The following NIPAL4 variants were observed in gnomAD, a reference collection of about 807,000 sequenced individuals.
NIPAL4 encodes magnesium transporter NIPA4.
Under a neutral mutation model 31.6 loss-of-function variants are expected in NIPAL4, and 21 were observed. That is an observed-to-expected ratio of 0.67 (90% CI 0.47 to 0.96). NIPAL4 has a LOEUF of 0.96. Among genes scored for constraint, NIPAL4 ranks in the 40% least tolerant of loss-of-function variants. NIPAL4 has a pLI of 0.00. For synonymous variants in NIPAL4, 175 were observed against 211.1 expected, an observed-to-expected ratio of 0.83 and a Z score of 1.48; for missense variants, 438 against 508.0, an observed-to-expected ratio of 0.86 and a Z score of 1.32.
intron 2 of NIPAL4, 109 bp from the exon 3 acceptor site, chr5:157,466,940 G>A: frequency 1.3e-6 from 1 of 785,894 alleles, no homozygotes; most frequent in South Asian, 1.5e-5. Flanking sequence ...CCAGAACCAA[G>A]CCTCAAGGAG....
chr5:157,464,162 G>A (rs1371845401), intron 2 of NIPAL4, among the ~76,000 whole-genome samples: 1 of 152,122 alleles, frequency 6.6e-6, no homozygotes, highest in Non-Finnish European at 1.5e-5. Flanking sequence ...ATTATGAGGA[G>A]ACAGCAAGGT....
chr5:157,472,729 C>T lies in NIPAL4; in HGVS notation c.984C>T (p.Thr328=), dbSNP rs1363827613. 2 of 1,613,864 alleles carry T rather than the reference C, an allele frequency of 1.2e-6. No individual in the cohort carries two copies. Among genetic ancestry groups the T allele is most frequent in the Non-Finnish European group, 1.7e-6 (2 of 1,179,796 alleles). ...TGTCTGCTGTGGACATTGCAGGCACCCTCTCGGGCTTTGTCACCATCATCT... is the reference window on the plus strand; with the variant it reads ...TGTCTGCTGTGGACATTGCAGGCACTCTCTCGGGCTTTGTCACCATCATCT... ...YSMSAVDIAG[T]LSGFVTIILG... is the part of the protein sequence containing the mutation. The change falls in exon 6 of 6, where the codon ACC becomes ACT. Residue 328 remains threonine, a synonymous_variant. Coordinates refer to ENST00000311946, the MANE Select transcript of NIPAL4 (RefSeq NM_001099287.2).
chr5:157,474,401 G>C lies in NIPAL4; in HGVS notation c.*1441G>C, dbSNP rs1754530249. 1 of 152,292 alleles carries C rather than the reference G, an allele frequency of 6.6e-6. No individual in the cohort carries two copies. 9.4% of individuals were successfully genotyped at this position (152,292 alleles called of 1,614,324 possible). On this transcript the variant is annotated 3_prime_UTR_variant, in exon 6 of 6. Transcript: ENST00000311946. ...AGTGGGCTGGTGTATCTGGAAAGAG[G>C]GAAGACTTGATCCTCAGCCCCGAGG...
chr5:157,470,337 T>C (rs1754392388), intron 4 of NIPAL4, among the ~76,000 whole-genome samples: 1 of 152,048 alleles, frequency 6.6e-6, no homozygotes, highest in African/African-American at 2.4e-5. Flanking sequence ...CTGGAGATAA[T>C]TTGCCCAGAA....
chr5:157,467,440 G>C, intron 3 of NIPAL4: 1 of 301,946 alleles, frequency 3.3e-6, no homozygotes, highest in Admixed American at 4.0e-5. Flanking sequence ...GGAACTCCTA[G>C]GCCAACTTCC....
At position 157,463,074 on chromosome 5, in the gene NIPAL4, A is replaced by T; in HGVS notation, c.38-20A>T. 6.2e-7 allele frequency: 1 copy of T among 1,613,388 alleles called. No individual in the cohort carries two copies. Among genetic ancestry groups the T allele is most frequent in the East Asian group, 2.2e-5 (1 of 44,866 alleles). On this transcript the variant is annotated intron_variant, in intron 1 of 5. Coordinates refer to ENST00000311946, the MANE Select transcript of NIPAL4 (RefSeq NM_001099287.2). The stretch of plus-strand genomic sequence containing the variant: ...CAATTGTCCCCAGTGTGACTCTCTC[A>T]CTGTGGTCTTCCCATCCAGGTTCCC...
At position 157,460,266 on chromosome 5, in the gene NIPAL4, G is replaced by T; in HGVS notation, c.-55G>T. On this transcript the variant is annotated 5_prime_UTR_variant, in exon 1 of 6. Transcript: ENST00000311946. ...ACAAGTCGCGGCCACCTGCTCCGGA[G>T]CTGGGGAGCCCGGGCGCCGTCCGCC... 1 of 1,544,830 alleles carries T rather than the reference G, an allele frequency of 6.5e-7. No homozygotes were observed. The highest frequency in any genetic ancestry group is 8.7e-7 in the Non-Finnish European group (1 of 1,144,730).
chr5:157,470,242 T>G (rs1208031986), intron 4 of NIPAL4, among the ~76,000 whole-genome samples: 1 of 152,174 alleles, frequency 6.6e-6, no homozygotes, highest in African/African-American at 2.4e-5. Flanking sequence ...CCTGTGATTT[T>G]TTTTCCCTTC....
rs967915313 is a variant in NIPAL4, at chr5:157,474,444, C to T, written c.*1484C>T. On this transcript the variant is annotated 3_prime_UTR_variant, in exon 6 of 6. Coordinates refer to ENST00000311946, the MANE Select transcript of NIPAL4 (RefSeq NM_001099287.2). Reference sequence around the variant, plus strand: ...CCCCGAGGTTGGTGCAGGGCCTCCCCTGTGTGACTCTACCTGCACTCTGTG... The same window carrying T: ...CCCCGAGGTTGGTGCAGGGCCTCCCTTGTGTGACTCTACCTGCACTCTGTG... The T allele has an allele frequency of 2.6e-5, 4 of 152,204 alleles. No individual in the cohort carries two copies. The highest frequency in any genetic ancestry group is 4.4e-5 in the Non-Finnish European group (3 of 68,038). The allele number at this position is 152,204 out of a possible 1,614,324, so 9.4% of individuals were successfully genotyped here.
chr5:157,472,791 A>T lies in NIPAL4; in HGVS notation c.1046A>T (p.Asp349Val), dbSNP rs370339078. The change falls in exon 6 of 6, where the codon GAC (aspartate) becomes GTC (valine). Residue 349 changes from aspartate to valine, a missense_variant. Coordinates refer to ENST00000311946, the MANE Select transcript of NIPAL4 (RefSeq NM_001099287.2). ...VFMLHAFKDL[D>V]ISCASLPHMH... ...ATGCTGCATGCTTTCAAAGACCTGG[A>T]CATCAGCTGCGCCAGCTTGCCCCAC... The T allele has an allele frequency of 3.1e-6, 5 of 1,607,898 alleles. No individual in the cohort carries two copies. The highest frequency in any genetic ancestry group is 1.3e-5 in the African/African-American group (1 of 74,804).
chr5:157,467,007 TG>T, intron 2 of NIPAL4, 41 bp from the exon 3 acceptor site: 1 of 1,509,052 alleles, frequency 6.6e-7, no homozygotes, highest in Non-Finnish European at 9.2e-7. Context: ...TGAGAAAGTG[TG>T]GCCAAGTTCC....
chr5:157,472,679 A>G lies in NIPAL4; in HGVS notation c.934A>G (p.Ile312Val). 6.2e-7 allele frequency: 1 copy of G among 1,613,882 alleles called. No individual in the cohort carries two copies. The highest frequency in any genetic ancestry group is 1.1e-5 in the South Asian group (1 of 91,070). ...CACGGTGGTCGTTACCTCGTCCATC[A>G]TCCTCTTCAAGGAGTGGTACAGCAT... ...FTTVVVTSSI[I>V]LFKEWYSMSA... The change falls in exon 6 of 6, where the codon ATC becomes GTC. Residue 312 changes from isoleucine to valine, a missense_variant. Coordinates refer to ENST00000311946, the MANE Select transcript of NIPAL4 (RefSeq NM_001099287.2).
At chr5:157,463,923 G>A (rs1754183481) in intron 2 of NIPAL4, among the ~76,000 whole-genome samples, 1 of 152,176 alleles carries the variant, frequency 6.6e-6, no homozygotes, top group Non-Finnish European at 1.5e-5. Context: ...CATGCCTGCT[G>A]TATGCCAGGG....
rs371155811 is a variant in NIPAL4 at position 157,472,671 on chromosome 5, C to T, written c.926C>T (p.Ser309Leu). 37 of 1,613,998 alleles carry T rather than the reference C, an allele frequency of 2.3e-5. 1 individual carries two copies. Among genetic ancestry groups the T allele is most frequent in the Non-Finnish European group, 2.9e-5 (34 of 1,179,894 alleles). The change falls in exon 6 of 6, where the codon TCG becomes TTG. Residue 309 changes from serine (S) to leucine (L), a missense_variant. Transcript: ENST00000311946. Reference sequence around the variant, plus strand: ...TTCTTCACCACGGTGGTCGTTACCTCGTCCATCATCCTCTTCAAGGAGTGG... The same window carrying T: ...TTCTTCACCACGGTGGTCGTTACCTTGTCCATCATCCTCTTCAAGGAGTGG... ...YVFFTTVVVTSSIILFKEWYS... is the reference protein window; with the variant it reads ...YVFFTTVVVTLSIILFKEWYS...
rs1408679788 is a variant in NIPAL4 at position 157,472,452 on chromosome 5, CCTTCTCTGT to C, written c.708_716del (p.Phe237_Val239del). The stretch of plus-strand genomic sequence containing the variant: ...ATCATCATCTGCTCTGTGATCGGGG[CCTTCTCTGT>C]GGCTGCTGTCAAGGGGCTGGGCATC... On this transcript the variant is annotated inframe_deletion, in exon 6 of 6. Coordinates refer to ENST00000311946, the MANE Select transcript of NIPAL4 (RefSeq NM_001099287.2). 2 of 1,613,910 alleles carry C rather than the reference CCTTCTCTGT, an allele frequency of 1.2e-6. No individual in the cohort carries two copies. Among genetic ancestry groups the C allele is most frequent in the Admixed American group, 3.3e-5 (2 of 60,010 alleles).
chr5:157,466,663 T>A (rs1754283278), intron 2 of NIPAL4, among the ~76,000 whole-genome samples: 1 of 152,154 alleles, frequency 6.6e-6, no homozygotes, highest in Non-Finnish European at 1.5e-5. Flanking sequence ...CAAAGAGCAA[T>A]TCCCTGGTTT....
chr5:157,469,095 GGT>G (rs894912127), intron 4 of NIPAL4, among the ~76,000 whole-genome samples: 69 of 152,172 alleles, frequency 4.5e-4, no homozygotes, highest in African/African-American at 1.5e-3. Flanking sequence ...TCACTATTTT[GGT>G]GCCGTGATAG....
intron 1 of NIPAL4, 104 bp downstream of exon 1, chr5:157,460,461 T>C: frequency 8.3e-7 from 1 of 1,197,734 alleles, no homozygotes; most frequent in East Asian, 2.5e-5. Context: ...GGGCCAAAGC[T>C]GGGGAGGGGC....
intron 1 of NIPAL4, chr5:157,460,693 T>G: frequency 1.9e-6 from 1 of 528,300 alleles, no homozygotes; most frequent in Non-Finnish European, 3.6e-6. Context: ...TAATGTGTAG[T>G]TGCTTCAGGT....
Sources: gnomAD v4.1 joint callset for allele counts (sites outside exome capture counted in the v4.1 genomes callset) on GRCh38, gnomAD v4.1.1 for gene constraint, MANE v1.5 for transcripts, NCBI Gene and HGNC (gene_info 2026-07-23, HGNC 2026-07-21) for gene names.